TTN: variants seen among roughly 807,000 people sequenced by gnomAD.
The protein encoded by TTN is connectin.
TTN carries 1,525 observed loss-of-function variants against 3,223.0 expected under a neutral mutation model. The observed-to-expected ratio is 0.47, with a 90% CI of 0.45 to 0.49. The LOEUF (loss-of-function observed/expected upper bound fraction) is 0.49. Ranked by LOEUF, TTN falls within the 20% of genes least tolerant of loss-of-function variation. The probability of loss-of-function intolerance (pLI) is 0.00; values close to 1 mark genes in which losing one functional copy is unlikely to be tolerated. For synonymous variants in TTN, 14,094 were observed against 15,161.0 expected (o/e 0.93, Z 5.17); for missense variants, 40,786 against 43,424.0 (o/e 0.94, Z 5.40).
At chr2:178,649,227 T>C in intron 213 of TTN, 21 bp downstream of exon 213, 3 of 1,487,624 alleles carry the variant, frequency 2.0e-6, no homozygotes, top group Non-Finnish European at 2.7e-6. Flanking sequence ...GAGAAATCTA[T>C]TTTTTCTTCA....
chr2:178,712,520 T>C lies in TTN; in HGVS notation c.27402A>G (p.Thr9134=). ...CCGAAATGGGAGGAGTTCCAGTGAA[T>C]GTACCCTCTAGGATCAGGGGTTTTC... The part of the protein sequence containing the change: ...EKGKPLILEG[T]FTGTPPISVT... The change falls in exon 95 of 363, where the codon ACA becomes ACG. Residue 9134 remains threonine, a synonymous_variant. Coordinates refer to ENST00000589042, the MANE Select transcript of TTN (RefSeq NM_001267550.2). 1 of 1,613,724 alleles carries C rather than the reference T, an allele frequency of 6.2e-7. No homozygotes were observed. The highest frequency in any genetic ancestry group is 2.2e-5 in the East Asian group (1 of 44,854).
In TTN at chr2:178,704,776, G is replaced by A. The variant is rs767705843; in HGVS notation, c.29696C>T (p.Pro9899Leu). ...FIQQRLSQTE[P>L]VTLIKDIENQ... ...TTCAATGTCCTTGATCAGAGTGACA[G>A]GCTAGGAGAATAAAGAATTAAAACA... The change falls in exon 105 of 363, where the codon CCT becomes CTT. Residue 9899 changes from proline (P) to leucine (L), a missense_variant and splice_region_variant. Coordinates refer to ENST00000589042, the MANE Select transcript of TTN (RefSeq NM_001267550.2). 3 of 1,607,752 alleles carry A rather than the reference G, an allele frequency of 1.9e-6. No individual in the cohort carries two copies. The highest frequency in any genetic ancestry group is 2.7e-5 in the African/African-American group (2 of 74,624).
intron 13 of TTN, among the ~76,000 whole-genome samples, chr2:178,786,736 C>T (rs986194386): frequency 2.0e-5 from 3 of 152,168 alleles, no homozygotes; most frequent in Admixed American, 2.0e-4. Context: ...TCAGAAAATA[C>T]CTTTCTTAAA....
In TTN at chr2:178,698,867, G is replaced by A; in HGVS notation, c.30730C>T (p.Pro10244Ser). ...KKDAKKVVAK[P>S]KEMTPREEIV... Reference sequence around the variant, plus strand: ...CCTTCACGTGGTGTCATCTCTTTGGGCTTTGCAACAACTTTTTTGGCATCT... The same window carrying A: ...CCTTCACGTGGTGTCATCTCTTTGGACTTTGCAACAACTTTTTTGGCATCT... The change falls in exon 112 of 363, where the codon CCC (proline) becomes TCC (serine). Residue 10244 changes from proline (P) to serine (S), a missense_variant. Transcript: ENST00000589042. 6.5e-7 allele frequency: 1 copy of A among 1,540,238 alleles called. No individual in the cohort carries two copies. Among genetic ancestry groups the A allele is most frequent in the Non-Finnish European group, 8.7e-7 (1 of 1,144,532 alleles).
At chr2:178,735,471 G>A (rs1406179033) in intron 50 of TTN, 40 bp downstream of exon 50, 1 of 1,494,816 alleles carries the variant, frequency 6.7e-7, no homozygotes, top group Non-Finnish European at 8.9e-7. Flanking sequence ...AGGATTCCTT[G>A]CAGAGAAGGG....
chr2:178,589,872 A>G lies in TTN; in HGVS notation c.61853T>C (p.Ile20618Thr), dbSNP rs901919886. ...TCGTTTAGTGACATCTGATGCAACA[A>G]TTGACCAGCCTTTCTGGTTTGGTTT... ...YRKPNQKGWS[I>T]VASDVTKRLI... Residue 20618 changes from isoleucine to threonine, a missense_variant, in exon 304 of 363, where the codon ATT (isoleucine) becomes ACT (threonine). By Grantham distance (89) the Ile-to-Thr change is moderately conservative (BLOSUM62 -1). Coordinates refer to ENST00000589042, the MANE Select transcript of TTN (RefSeq NM_001267550.2). 4 of 1,613,422 alleles carry G rather than the reference A, an allele frequency of 2.5e-6. No individual in the cohort carries two copies. The highest frequency in any genetic ancestry group is 1.3e-5 in the African/African-American group (1 of 75,012).
chr2:178,649,772 A>G lies in TTN; in HGVS notation c.39895+45T>C. On this transcript the variant is annotated intron_variant, in intron 211 of 362. Transcript: ENST00000589042. ...CAACACACAATAAGAAGAGTGTAAA[A>G]TTGTAGACACCACAAAAATGAAGTA... 2 of 1,592,682 alleles carry G rather than the reference A, an allele frequency of 1.3e-6. 1 individual carries two copies. Among genetic ancestry groups the G allele is most frequent in the South Asian group, 2.2e-5 (2 of 89,050 alleles).
chr2:178,634,538 T>G lies in TTN; in HGVS notation c.42243A>C (p.Ala14081=). Residue 14081 remains alanine, a synonymous_variant, in exon 230 of 363, where the codon GCA becomes GCC. Coordinates refer to ENST00000589042, the MANE Select transcript of TTN (RefSeq NM_001267550.2). The surrounding 1 kb of genome is among the most constrained non-coding windows in gnomAD (Gnocchi z 4.6). Reference sequence around the variant, plus strand: ...CAGGTCCTTTGGACCATATAACATTTGCCTCTCGGGTGAGGACACATTCGA... The same window carrying G: ...CAGGTCCTTTGGACCATATAACATTGGCCTCTCGGGTGAGGACACATTCGA... The part of the protein sequence containing the change: ...ARFECVLTRE[A]NVIWSKGPDI... 1 of 1,613,388 alleles carries G rather than the reference T, an allele frequency of 6.2e-7. No homozygotes were observed. Among genetic ancestry groups the G allele is most frequent in the Non-Finnish European group, 8.5e-7 (1 of 1,179,548 alleles).
rs759498383 is a variant in TTN, at chr2:178,608,706, C to T, written c.52305G>A (p.Leu17435=). Residue 17435 remains leucine, a synonymous_variant, in exon 274 of 363, where the codon CTG becomes CTA. Transcript: ENST00000589042. ...LRHCKYSVTK[L]IEGKEYLFRV... ...GGAAGAGGTACTCTTTTCCTTCAAT[C>T]AGTTTTGTTACTGAATATTTGCAAT... 5 of 1,612,330 alleles carry T rather than the reference C, an allele frequency of 3.1e-6. No individual in the cohort carries two copies. In the African/African-American group the frequency reaches 6.7e-5, roughly 22 times the overall value.
chr2:178,607,739 C>A, intron 276 of TTN, 46 bp downstream of exon 276: 1 of 1,612,116 alleles, frequency 6.2e-7, no homozygotes, highest in African/African-American at 1.3e-5. Context: ...AAAATAGTCC[C>A]ATATAGAGAA....
chr2:178,568,125 A>G lies in TTN; in HGVS notation c.78007T>C (p.Ser26003Pro). ...CACTGTATGACCATGGAGTCTTTGG[A>G]AATGGCTGTGGCAAATGGTGTACCT... ...PPGTPFATAI[S>P]KDSMVIQWHE... Residue 26003 changes from serine to proline, a missense_variant, in exon 326 of 363, where the codon TCC (serine) becomes CCC (proline). By Grantham distance (74) the Ser-to-Pro change is moderately conservative. Coordinates refer to ENST00000589042, the MANE Select transcript of TTN (RefSeq NM_001267550.2). 1 of 1,613,430 alleles carries G rather than the reference A, an allele frequency of 6.2e-7. No homozygotes were observed. Among genetic ancestry groups the G allele is most frequent in the South Asian group, 1.1e-5 (1 of 91,066 alleles).
intron 22 of TTN, chr2:178,779,747 C>T: frequency 3.7e-6 from 2 of 539,716 alleles, no homozygotes; most frequent in South Asian, 2.2e-5. Context: ...CTCAGCTGTG[C>T]TAATATTGGT....
At position 178,570,989 on chromosome 2, in the gene TTN, A is replaced by G. The variant is rs774327169; in HGVS notation, c.75143T>C (p.Leu25048Ser). The stretch of plus-strand genomic sequence containing the variant: ...GGCTTTCATCCAACGGCCCTCAGGT[A>G]ATTCTTTCTTCTCAACAATATAACC... The part of the protein sequence containing the change: ...ITGYIVEKKE[L>S]PEGRWMKASF... Residue 25048 changes from leucine to serine, a missense_variant, in exon 326 of 363, where the codon TTA becomes TCA. Physicochemically the swap from Leu to Ser is moderately radical, Grantham distance 145. Coordinates refer to ENST00000589042, the MANE Select transcript of TTN (RefSeq NM_001267550.2). 5.6e-6 allele frequency: 9 copies of G among 1,613,410 alleles called. No individual in the cohort carries two copies. Among genetic ancestry groups the G allele is most frequent in the Non-Finnish European group, 7.6e-6 (9 of 1,179,518 alleles).
chr2:178,626,011 T>C, intron 240 of TTN, among the ~76,000 whole-genome samples: 1 of 151,968 alleles, frequency 6.6e-6, no homozygotes, highest in East Asian at 1.9e-4. Context: ...TATATACGTA[T>C]ATGTGTATAT....
chr2:178,689,638 T>A, intron 122 of TTN, 43 bp from the exon 123 acceptor site: 1 of 1,553,304 alleles, frequency 6.4e-7, no homozygotes, highest in African/African-American at 1.4e-5. Context: ...TTTTCTAAAG[T>A]AGCTATGCAC....
rs771262255 is a variant in TTN, at chr2:178,616,751, C to T, written c.48138G>A (p.Gly16046=). The T allele has an allele frequency of 1.9e-6, 3 of 1,612,526 alleles. No homozygotes were observed. Among genetic ancestry groups the T allele is most frequent in the Non-Finnish European group, 1.7e-6 (2 of 1,179,132 alleles). ...KLENRVKTIS[G]EIDVNVIARP... Reference sequence around the variant, plus strand: ...TACCAATTACATTGACATCAATTTCCCCAGAAATTGTTTTCACACGGTTTT... The same window carrying T: ...TACCAATTACATTGACATCAATTTCTCCAGAAATTGTTTTCACACGGTTTT... Residue 16046 remains glycine, a synonymous_variant, in exon 256 of 363, where the codon GGG becomes GGA. Coordinates refer to ENST00000589042, the MANE Select transcript of TTN (RefSeq NM_001267550.2).
chr2:178,649,724 G>C, intron 211 of TTN, 93 bp from the exon 212 acceptor site: 1 of 1,545,676 alleles, frequency 6.5e-7, no homozygotes, highest in Non-Finnish European at 8.9e-7. Context: ...ATAGGTAAGA[G>C]TTAACAAACA....
intron 79 of TTN, 72 bp from the exon 80 acceptor site, chr2:178,720,735 C>G (rs1290737404): frequency 2.1e-6 from 3 of 1,446,754 alleles, no homozygotes; most frequent in Non-Finnish European, 2.7e-6. Context: ...AAATCTAGAA[C>G]CTTGAAGAGT....
chr2:178,795,188 T>C lies in TTN; in HGVS notation c.979A>G (p.Met327Val), dbSNP rs1424909746. ...ACGGTGGATGCCTGAGTCTTACGCA[T>C]GAGCAATGGAGACCTAACAGACCTG... ...PIRSVRSPLL[M>V]RKTQASTVAT... The change falls in exon 7 of 363, where the codon ATG becomes GTG. Residue 327 changes from methionine (M) to valine (V), a missense_variant. Coordinates refer to ENST00000589042, the MANE Select transcript of TTN (RefSeq NM_001267550.2). 1.2e-6 allele frequency: 2 copies of C among 1,614,118 alleles called. No homozygotes were observed. The highest frequency in any genetic ancestry group is 2.2e-5 in the East Asian group (1 of 44,884).
Sources: gnomAD v4.1 joint callset for allele counts (sites outside exome capture counted in the v4.1 genomes callset) on GRCh38, gnomAD v4.1.1 for gene constraint, Gnocchi (gnomAD v3.1) non-coding constraint, MANE v1.5 for transcripts, NCBI Gene and HGNC (gene_info 2026-07-23, HGNC 2026-07-21) for gene names.